Variants in FAM83F observed in about 807,000 individuals in gnomAD.
FAM83F encodes scaffolding CK1 anchoring protein F.
Under a neutral mutation model 42.9 loss-of-function variants are expected in FAM83F, and 45 were observed. That is an observed-to-expected ratio of 1.05 (90% CI 0.83 to 1.35). The LOEUF is 1.35. Ranked by LOEUF, FAM83F falls within the 40% of genes most tolerant of loss-of-function variation. The pLI is 0.00. For synonymous variants in FAM83F, 306 were observed against 298.3 expected, an observed-to-expected ratio of 1.03 and a Z score of -0.27; for missense variants, 617 against 695.9, an observed-to-expected ratio of 0.89 and a Z score of 1.28.
chr22:40,009,949 C>A (rs188545560), intron 1 of FAM83F: 1 of 152,252 alleles, frequency 6.6e-6, no homozygotes, highest in African/African-American at 2.4e-5. Flanking sequence ...CTTCACTCCC[C>A]GTCCTGCCGC....
At chr22:40,015,166 G>A (rs138015625) in intron 1 of FAM83F, among the ~76,000 whole-genome samples, 6 of 152,214 alleles carry the variant, frequency 3.9e-5, no homozygotes, top group African/African-American at 1.4e-4. Flanking sequence ...GAGATGCGAG[G>A]CCAAAGCCTA....
In FAM83F at chr22:40,022,682, G is replaced by A. The variant is rs568873685; in HGVS notation, c.1453+719G>A. Reference sequence around the variant, plus strand: ...TATGTCTCTCTCTGCAGCAGTCTCTGGGGTGGCCTTTCAGGTGGCTGGTGG... The same window carrying A: ...TATGTCTCTCTCTGCAGCAGTCTCTAGGGTGGCCTTTCAGGTGGCTGGTGG... On this transcript the variant is annotated intron_variant, in intron 4 of 4. Coordinates refer to ENST00000333407, the MANE Select transcript of FAM83F (RefSeq NM_138435.4). Among the ~76,000 whole-genome samples the A allele has an allele frequency of 5.3e-5, 8 of 152,310 alleles. No homozygotes were observed. In the East Asian group the frequency reaches 1.5e-3, roughly 30 times the overall value.
At chr22:39,996,767 G>A (rs1423749141) in intron 1 of FAM83F, among the ~76,000 whole-genome samples, 3 of 152,198 alleles carry the variant, frequency 2.0e-5, no homozygotes, top group Non-Finnish European at 4.4e-5. Context: ...GCTACCAGAA[G>A]GAAGGGTTAA....
Position 40,038,997 on chromosome 22 carries a change from T to C in FAM83F, c.*9432T>C, listed in dbSNP as rs2067640008. 6.6e-6 allele frequency: 1 copy of C among 152,272 alleles called. No homozygotes were observed. The highest frequency in any genetic ancestry group is 2.1e-4 in the South Asian group (1 of 4,834). The allele number at this position is 152,272 out of a possible 1,614,324, so 9.4% of individuals were successfully genotyped here. A position where few individuals can be genotyped will look rare whatever the true frequency, so the allele number is the denominator to read the frequency against. ...TATGAGGACTGAATAAGCTCATACATATACAATGCTTGGAGCAGAGGCTGG... is the reference window on the plus strand; with the variant it reads ...TATGAGGACTGAATAAGCTCATACACATACAATGCTTGGAGCAGAGGCTGG... On this transcript the variant is annotated 3_prime_UTR_variant, in exon 5 of 5. Transcript: ENST00000333407.
At position 40,032,966 on chromosome 22, in the gene FAM83F, G is replaced by A. The variant is rs2067599109; in HGVS notation, c.*3401G>A. ...GCCAGTCACCATGCTAGATGCTTTAGTAACATGAAGGTTTCAAACTAAGAA... is the reference window on the plus strand; with the variant it reads ...GCCAGTCACCATGCTAGATGCTTTAATAACATGAAGGTTTCAAACTAAGAA... On this transcript the variant is annotated 3_prime_UTR_variant, in exon 5 of 5. Coordinates refer to ENST00000333407, the MANE Select transcript of FAM83F (RefSeq NM_138435.4). The A allele has an allele frequency of 6.6e-6, 1 of 152,084 alleles. No individual in the cohort carries two copies. Among genetic ancestry groups the A allele is most frequent in the Non-Finnish European group, 1.5e-5 (1 of 68,018 alleles). The allele number at this position is 152,084 out of a possible 1,614,324, so 9.4% of individuals were successfully genotyped here.
At position 40,021,644 on chromosome 22, in the gene FAM83F, G is replaced by A. The variant is rs1457314492; in HGVS notation, c.1134G>A (p.Leu378=). 3 of 1,602,732 alleles carry A rather than the reference G, an allele frequency of 1.9e-6. No homozygotes were observed. Among genetic ancestry groups the A allele is most frequent in the Middle Eastern group, 1.7e-4 (1 of 6,030 alleles). The stretch of plus-strand genomic sequence containing the variant: ...GCCTGGAGAGCTTCCTGAAAGACCT[G>A]GTTACGGTGGAGCAGGTGCTGCCCC... The part of the protein sequence containing the change: ...AWRLESFLKD[L]VTVEQVLPPV... The change falls in exon 4 of 5, where the codon CTG becomes CTA. Residue 378 remains leucine (L), a synonymous_variant. Transcript: ENST00000333407. The surrounding 1 kb of genome is among the most constrained non-coding windows in gnomAD (Gnocchi z 8.7).
chr22:40,017,676 G>C (rs1420272317), intron 1 of FAM83F, among the ~76,000 whole-genome samples: 1 of 152,212 alleles, frequency 6.6e-6, no homozygotes, highest in Non-Finnish European at 1.5e-5. Flanking sequence ...CCTGACTTTA[G>C]AGTCGGTGCT....
intron 1 of FAM83F, among the ~76,000 whole-genome samples, chr22:40,015,057 A>G (rs1008287376): frequency 1.3e-5 from 2 of 152,216 alleles, no homozygotes; most frequent in African/African-American, 4.8e-5. Flanking sequence ...TCTCCAGAGA[A>G]ACAGAACCAA....
chr22:40,028,988 C>T (rs1265912771), intron 4 of FAM83F, among the ~76,000 whole-genome samples: 2 of 152,004 alleles, frequency 1.3e-5, no homozygotes, highest in African/African-American at 2.4e-5. Flanking sequence ...TGCGGCAGCC[C>T]GGGAGGGGAA....
chr22:40,008,402 A>C (rs141254814), intron 1 of FAM83F, among the ~76,000 whole-genome samples: 63 of 152,320 alleles, frequency 4.1e-4, no homozygotes, highest in African/African-American at 1.4e-3. Context: ...CCCATCGCTC[A>C]CAGCAGGACA....
chr22:40,021,366 A>G lies in FAM83F; in HGVS notation c.856A>G (p.Thr286Ala), dbSNP rs956296780. ...LTGQNVEPFD[T>A]EFRELYAISE... ...AGGACAGAACGTAGAGCCCTTTGAC[A>G]CGGAGTTCCGGGAGCTGTACGCCAT... Residue 286 changes from threonine (T) to alanine (A), a missense_variant, in exon 4 of 5, where the codon ACG becomes GCG. Physicochemically the swap from Thr to Ala is moderately conservative, Grantham distance 58. Transcript: ENST00000333407. The surrounding 1 kb of genome is among the most constrained non-coding windows in gnomAD (Gnocchi z 8.7). 1.9e-6 allele frequency: 3 copies of G among 1,611,210 alleles called. No individual in the cohort carries two copies. Among genetic ancestry groups the G allele is most frequent in the Admixed American group, 1.7e-5 (1 of 59,776 alleles).
At position 40,035,755 on chromosome 22, in the gene FAM83F, G is replaced by A. The variant is rs1160612018; in HGVS notation, c.*6190G>A. 2 of 152,160 alleles carry A rather than the reference G, an allele frequency of 1.3e-5. No individual in the cohort carries two copies. Among genetic ancestry groups the A allele is most frequent in the African/African-American group, 4.8e-5 (2 of 41,418 alleles). 9.4% of individuals were successfully genotyped at this position (152,160 alleles called of 1,614,324 possible). A position where few individuals can be genotyped will look rare whatever the true frequency, so the allele number is the denominator to read the frequency against. On this transcript the variant is annotated 3_prime_UTR_variant, in exon 5 of 5. Coordinates refer to ENST00000333407, the MANE Select transcript of FAM83F (RefSeq NM_138435.4). ...TCCTGTTTCCTCATGTGTCAAATGG[G>A]GATGATCTCGAGACGACTCTCCAGA...
chr22:40,009,161 G>A (rs2067450576), intron 1 of FAM83F, among the ~76,000 whole-genome samples: 2 of 152,128 alleles, frequency 1.3e-5, no homozygotes, highest in Non-Finnish European at 2.9e-5. Context: ...GCAGGTGTGG[G>A]AGGCGACTCG....
At chr22:40,016,718 C>T (rs966660493) in intron 1 of FAM83F, among the ~76,000 whole-genome samples, 1 of 151,926 alleles carries the variant, frequency 6.6e-6, no homozygotes, top group Non-Finnish European at 1.5e-5. Context: ...GGCTGGAGTG[C>T]AGTGGCACAA....
intron 2 of FAM83F, among the ~76,000 whole-genome samples, 177 bp downstream of exon 2, chr22:40,019,512 A>G (rs1463561122): frequency 6.6e-6 from 1 of 152,198 alleles, no homozygotes; most frequent in Non-Finnish European, 1.5e-5. Context: ...ACTGTTAACT[A>G]CTGAATCATA....
At chr22:40,007,724 C>T (rs1601764958) in intron 1 of FAM83F, among the ~76,000 whole-genome samples, 3 of 150,956 alleles carry the variant, frequency 2.0e-5, no homozygotes, top group Admixed American at 2.0e-4. Flanking sequence ...TCCTCCTGTC[C>T]TCCTCCTCTC....
At chr22:40,016,201 T>TTGTTG (rs564392103) in intron 1 of FAM83F, among the ~76,000 whole-genome samples, 8 of 151,796 alleles carry the variant, frequency 5.3e-5, no homozygotes, top group South Asian at 2.1e-4. Flanking sequence ...TGTTGTTGTT[T>TTGTTG]TTTTATTTTT....
intron 1 of FAM83F, among the ~76,000 whole-genome samples, chr22:40,015,907 T>C (rs73414422): frequency 0.064 from 9,694 of 152,248 alleles, 1,020 homozygotes; most frequent in African/African-American, 0.22. Context: ...CTTTAGGTCC[T>C]CTCTCTGCCT....
rs564244958 is a variant in FAM83F at position 40,036,974 on chromosome 22, A to C, written c.*7409A>C. ...TCATAGCACTGAGGCACCCCTAGAC[A>C]GTACAGAAACAAGCAGGTGTGGCCA... On this transcript the variant is annotated 3_prime_UTR_variant, in exon 5 of 5. Coordinates refer to ENST00000333407, the MANE Select transcript of FAM83F (RefSeq NM_138435.4). The C allele has an allele frequency of 6.6e-6, 1 of 152,378 alleles. No individual in the cohort carries two copies. Among genetic ancestry groups the C allele is most frequent in the Admixed American group, 6.5e-5 (1 of 15,312 alleles). The allele number at this position is 152,378 out of a possible 1,614,324, so 9.4% of individuals were successfully genotyped here.
Sources: allele counts gnomAD v4.1 joint callset (sites outside exome capture counted in the v4.1 genomes callset), GRCh38; gene constraint gnomAD v4.1.1; non-coding constraint Gnocchi (gnomAD v3.1); transcripts MANE v1.5; gene names NCBI Gene and HGNC (gene_info 2026-07-23, HGNC 2026-07-21).